Variants in PRDM16 observed in about 807,000 individuals in gnomAD.
PRDM16 encodes histone-lysine N-methyltransferase PRDM16.
In PRDM16, 23 loss-of-function variants were observed where a neutral mutation model predicts 110.6. The ratio of observed to expected loss-of-function variants is 0.21; its 90% CI spans 0.15 to 0.29. The LOEUF (loss-of-function observed/expected upper bound fraction) is 0.29, where lower values mean the gene tolerates loss of function less well. Among genes scored for constraint, PRDM16 ranks in the 10% least tolerant of loss-of-function variants. The pLI is 1.00. For synonymous variants in PRDM16, 799 were observed against 781.8 expected (o/e 1.02, Z -0.37); for missense variants, 1,615 against 1,794.3 (o/e 0.90, Z 1.81).
At chr1:3,395,215 C>A (rs1362496774) in intron 4 of PRDM16, among the ~76,000 whole-genome samples, 3 of 152,104 alleles carry the variant, frequency 2.0e-5, no homozygotes, top group Admixed American at 1.3e-4. Flanking sequence ...AGGGGCCACA[C>A]CCAGCCCTGT....
In PRDM16 at chr1:3,265,502, G is replaced by A. The variant is rs964248912; in HGVS notation, c.438+21365G>A. 6.6e-5 allele frequency among the ~76,000 whole-genome samples: 10 copies of A among 152,026 alleles called. No homozygotes were observed. The highest frequency in any genetic ancestry group is 4.1e-4 in the South Asian group (2 of 4,832). On this transcript the variant is annotated intron_variant, in intron 3 of 16. Transcript: ENST00000270722. This position sits in a 1 kb window ranked among gnomAD's most constrained non-coding sequence, Gnocchi z 4.5. ...AGGTGAGTTGCCCTGCCTGCTTTTC[G>A]CTGCCAGGAGAAGGCAGATGCAGGG...
chr1:3,416,821 C>T (rs144483567), intron 10 of PRDM16, among the ~76,000 whole-genome samples: 12 of 152,330 alleles, frequency 7.9e-5, no homozygotes, highest in Non-Finnish European at 1.5e-5. Context: ...CCCTGTTTTG[C>T]CTTTTGCTAC....
chr1:3,150,666 A>G (rs1643757831), intron 1 of PRDM16, among the ~76,000 whole-genome samples: 1 of 152,070 alleles, frequency 6.6e-6, no homozygotes, highest in African/African-American at 2.4e-5. Flanking sequence ...TTTCCCTGGC[A>G]TCTCTGGTGC....
chr1:3,434,008 A>G lies in PRDM16; in HGVS notation c.*197A>G. 1 of 591,246 alleles carries G rather than the reference A, an allele frequency of 1.7e-6. No homozygotes were observed. The highest frequency in any genetic ancestry group is 2.9e-6 in the Non-Finnish European group (1 of 339,702). The allele number at this position is 591,246 out of a possible 1,614,324, so 36.6% of individuals were successfully genotyped here. On this transcript the variant is annotated 3_prime_UTR_variant, in exon 17 of 17. Transcript: ENST00000270722. Reference sequence around the variant, plus strand: ...CCTAAAGCAGTCGTAGAGTCTCACCATCTCCAAGGATTGGTCTTGAGAACA... The same window carrying G: ...CCTAAAGCAGTCGTAGAGTCTCACCGTCTCCAAGGATTGGTCTTGAGAACA...
chr1:3,117,246 A>G (rs1481834424), intron 1 of PRDM16, among the ~76,000 whole-genome samples: 1 of 152,150 alleles, frequency 6.6e-6, no homozygotes, highest in Non-Finnish European at 1.5e-5. Context: ...CAGGCATTTT[A>G]AATACAAACA....
intron 2 of PRDM16, among the ~76,000 whole-genome samples, chr1:3,227,064 T>C (rs1241319697): frequency 6.6e-6 from 1 of 152,272 alleles, no homozygotes; most frequent in African/African-American, 2.4e-5. Context: ...CAGCAATGAA[T>C]AATCAGCCGT....
chr1:3,291,524 C>T (rs1396648938), intron 3 of PRDM16, among the ~76,000 whole-genome samples: 1 of 152,250 alleles, frequency 6.6e-6, no homozygotes, highest in African/African-American at 2.4e-5. Context: ...GGGCCAGCTC[C>T]AGGGGCCCAC....
At chr1:3,163,528 T>C (rs147529829) in intron 1 of PRDM16, among the ~76,000 whole-genome samples, 88 of 152,292 alleles carry the variant, frequency 5.8e-4, no homozygotes, top group Non-Finnish European at 1.2e-3. Context: ...CGGCGTTAGC[T>C]TCCTGGGGAG....
intron 1 of PRDM16, among the ~76,000 whole-genome samples, chr1:3,154,671 G>A (rs1431172703): frequency 2.6e-5 from 4 of 152,158 alleles, no homozygotes; most frequent in Non-Finnish European, 5.9e-5. Flanking sequence ...TCCTGCACTG[G>A]CGAGGAGACC....
rs923801728 is a variant in PRDM16, at chr1:3,390,496, G to A, written c.573+5210G>A. On this transcript the variant is annotated intron_variant, in intron 4 of 16. Transcript: ENST00000270722. This position sits in a 1 kb window ranked among gnomAD's most constrained non-coding sequence, Gnocchi z 5.0. ...AACCCCAGGGCCTTCCAGGGGCAGAGCAGGGGTCCCGGCGCCCGCCGTGGA... is the reference window on the plus strand; with the variant it reads ...AACCCCAGGGCCTTCCAGGGGCAGAACAGGGGTCCCGGCGCCCGCCGTGGA... Among the ~76,000 whole-genome samples the A allele has an allele frequency of 1.2e-4, 18 of 152,322 alleles. No individual in the cohort carries two copies. The highest frequency in any genetic ancestry group is 2.1e-4 in the South Asian group (1 of 4,824).
rs369473654 is a variant in PRDM16, at chr1:3,082,359, G to A, written c.37+13063G>A. 3.9e-5 allele frequency among the ~76,000 whole-genome samples: 6 copies of A among 152,216 alleles called. No homozygotes were observed. In the East Asian group the frequency reaches 1.2e-3, roughly 29 times the overall value. ...GGTCTGCCTGGCCAATGTCAGAGGG[G>A]TAACGGCCCATCTGCAACTGGACTC... is the stretch of plus-strand genomic sequence containing the variant. On this transcript the variant is annotated intron_variant, in intron 1 of 16. Transcript: ENST00000270722.
intron 4 of PRDM16, among the ~76,000 whole-genome samples, chr1:3,394,242 C>T (rs924687402): frequency 6.6e-6 from 1 of 151,714 alleles, no homozygotes; most frequent in Non-Finnish European, 1.5e-5. Context: ...GAAGGGAGTC[C>T]GGGCGGCGTC....
chr1:3,167,680 G>A (rs1276606491), intron 1 of PRDM16, among the ~76,000 whole-genome samples: 1 of 31,306 alleles, frequency 3.2e-5, no homozygotes, highest in East Asian at 1.2e-3. Context: ...CTGTGACATT[G>A]CCCCCCTGCT....
intron 1 of PRDM16, chr1:3,133,307 C>G (rs1643371848): frequency 6.6e-6 from 1 of 152,312 alleles, no homozygotes; most frequent in Non-Finnish European, 1.5e-5. Flanking sequence ...CCATGCCAGA[C>G]TCTCCCAGGG....
chr1:3,097,218 A>C (rs12130048), intron 1 of PRDM16, among the ~76,000 whole-genome samples: 97,003 of 151,804 alleles, frequency 0.64, 32,590 homozygotes, highest in African/African-American at 0.85. Flanking sequence ...TCAGCTGTGT[A>C]CAAAAGTTTT....
At chr1:3,242,549 G>A (rs1469091437) in intron 2 of PRDM16, among the ~76,000 whole-genome samples, 6 of 152,170 alleles carry the variant, frequency 3.9e-5, no homozygotes, top group South Asian at 2.1e-4. Context: ...CCTCGGCCCC[G>A]CAGGCAGGTC....
chr1:3,204,828 G>A (rs1467501735), intron 2 of PRDM16, among the ~76,000 whole-genome samples: 3 of 152,190 alleles, frequency 2.0e-5, no homozygotes, highest in South Asian at 2.1e-4. Context: ...AAAAATGGGC[G>A]GGCAGGCAGG....
chr1:3,419,365 C>A (rs900402030), intron 12 of PRDM16, among the ~76,000 whole-genome samples: 2 of 152,232 alleles, frequency 1.3e-5, no homozygotes. Context: ...GAAGCAGTCA[C>A]ACAGCTCATC....
chr1:3,195,491 C>T (rs1164932257), intron 2 of PRDM16, among the ~76,000 whole-genome samples: 1 of 152,000 alleles, frequency 6.6e-6, no homozygotes, highest in Non-Finnish European at 1.5e-5. Context: ...GATTCACAAG[C>T]GAAAAAGGAA....
Sources: gnomAD v4.1 joint callset for allele counts (sites outside exome capture counted in the v4.1 genomes callset) on GRCh38, gnomAD v4.1.1 for gene constraint, Gnocchi (gnomAD v3.1) non-coding constraint, MANE v1.5 for transcripts, NCBI Gene and HGNC (gene_info 2026-07-23, HGNC 2026-07-21) for gene names.